LRRTM3: variants seen among roughly 807,000 people sequenced by gnomAD.
LRRTM3 encodes the protein leucine rich repeat transmembrane neuronal 3.
LRRTM3 carries 24 observed loss-of-function variants against 44.7 expected under a neutral mutation model. The ratio of observed to expected loss-of-function variants is 0.54; its 90% CI spans 0.39 to 0.76. The LOEUF (loss-of-function observed/expected upper bound fraction) is 0.76, where lower values mean the gene tolerates loss of function less well. LRRTM3 is among the 30% of genes least tolerant of loss of function. The pLI is 0.00. For missense variants in LRRTM3, 587 were observed against 702.2 expected (o/e 0.84, Z 1.85); for synonymous variants, 277 against 278.7 (o/e 0.99, Z 0.06).
At chr10:67,050,114 C>T (rs924039920) in intron 2 of LRRTM3, among the ~76,000 whole-genome samples, 2 of 152,176 alleles carry the variant, frequency 1.3e-5, no homozygotes, top group Non-Finnish European at 2.9e-5. Context: ...CTCTGATTTC[C>T]ATTGCCCGGA....
At chr10:67,088,321 C>T (rs1022228971) in intron 2 of LRRTM3, among the ~76,000 whole-genome samples, 1 of 151,788 alleles carries the variant, frequency 6.6e-6, no homozygotes, top group Non-Finnish European at 1.5e-5. Context: ...ATGAATATTT[C>T]TCTTTGGTTT....
chr10:67,007,085 C>T (rs994584128), intron 2 of LRRTM3, among the ~76,000 whole-genome samples: 1 of 152,150 alleles, frequency 6.6e-6, no homozygotes, highest in African/African-American at 2.4e-5. Context: ...CGTGAGCCAC[C>T]ACACCCAGCT....
intron 2 of LRRTM3, among the ~76,000 whole-genome samples, chr10:66,983,146 A>C (rs1411346822): frequency 6.6e-6 from 1 of 152,142 alleles, no homozygotes; most frequent in Admixed American, 6.5e-5. Context: ...CTAATGAGCA[A>C]ATTTTTTTAT....
rs769961662 is a variant in LRRTM3 at position 66,981,402 on chromosome 10, T to A, written c.1536+52950T>A. 2.6e-5 allele frequency among the ~76,000 whole-genome samples: 4 copies of A among 152,244 alleles called. No homozygotes were observed. The South Asian group carries it at 8.3e-4, about 32-fold the overall frequency. The stretch of plus-strand genomic sequence containing the variant: ...AGTCACCCTGCATTCTGCACTCTTC[T>A]GGATTTTGAGTCCCTTTGAATTGCC... On this transcript the variant is annotated intron_variant, in intron 2 of 2. Coordinates refer to ENST00000361320, the MANE Select transcript of LRRTM3 (RefSeq NM_178011.5).
rs1431289391 is a variant in LRRTM3 at position 67,017,749 on chromosome 10, G to T, written c.1537-79838G>T. On this transcript the variant is annotated intron_variant, in intron 2 of 2. Transcript: ENST00000361320. ...TCTGTGTGTGTGTGTGTGTGTGTGTGTGTGCGCGCGTACAATTTTATGTGT... is the reference window on the plus strand; with the variant it reads ...TCTGTGTGTGTGTGTGTGTGTGTGTTTGTGCGCGCGTACAATTTTATGTGT... Among the ~76,000 whole-genome samples, 3 of 151,806 alleles carry T rather than the reference G, an allele frequency of 2.0e-5. No individual in the cohort carries two copies. The East Asian group carries it at 5.8e-4, about 29-fold the overall frequency.
intron 2 of LRRTM3, among the ~76,000 whole-genome samples, chr10:67,088,065 G>C (rs1363658795): frequency 1.3e-5 from 2 of 151,876 alleles, no homozygotes; most frequent in Admixed American, 6.6e-5. Context: ...ATAATTTAAA[G>C]AGAAAGAAAG....
At chr10:66,999,154 C>T (rs1347330373) in intron 2 of LRRTM3, among the ~76,000 whole-genome samples, 2 of 152,048 alleles carry the variant, frequency 1.3e-5, no homozygotes, top group African/African-American at 4.8e-5. Flanking sequence ...TTTTATTTAT[C>T]ATTTTCAATT....
chr10:67,083,763 C>A (rs976009976), intron 2 of LRRTM3, among the ~76,000 whole-genome samples: 1 of 152,068 alleles, frequency 6.6e-6, no homozygotes, highest in Non-Finnish European at 1.5e-5. Context: ...CCAAGGCATT[C>A]AAAATACATT....
At chr10:66,937,630 T>G (rs542452712) in intron 2 of LRRTM3, among the ~76,000 whole-genome samples, 3 of 152,104 alleles carry the variant, frequency 2.0e-5, no homozygotes, top group African/African-American at 7.2e-5. Context: ...TGGTAGTACA[T>G]AAAACCAATG....
intron 2 of LRRTM3, among the ~76,000 whole-genome samples, chr10:67,066,432 C>T (rs912212084): frequency 6.6e-6 from 1 of 151,770 alleles, no homozygotes; most frequent in Admixed American, 6.6e-5. Context: ...ACCTCGTGAT[C>T]CGCCTGCCTT....
chr10:67,080,137 A>T (rs1589709648), intron 2 of LRRTM3, among the ~76,000 whole-genome samples: 1 of 152,122 alleles, frequency 6.6e-6, no homozygotes, highest in East Asian at 1.9e-4. Flanking sequence ...AAGTGCTTGT[A>T]TTTCGTTAAA....
At chr10:66,928,630 C>T (rs1847207204) in intron 2 of LRRTM3, among the ~76,000 whole-genome samples, 178 bp downstream of exon 2, 1 of 152,086 alleles carries the variant, frequency 6.6e-6, no homozygotes. Flanking sequence ...GGTCATTTTC[C>T]TCTCATACAT....
At chr10:67,068,219 C>T (rs966046985) in intron 2 of LRRTM3, among the ~76,000 whole-genome samples, 1 of 151,954 alleles carries the variant, frequency 6.6e-6, no homozygotes, top group African/African-American at 2.4e-5. Context: ...TGGATTGGAC[C>T]TGGGAAGTGA....
At chr10:67,070,782 T>C (rs1008316001) in intron 2 of LRRTM3, among the ~76,000 whole-genome samples, 3 of 152,006 alleles carry the variant, frequency 2.0e-5, no homozygotes, top group Non-Finnish European at 4.4e-5. Flanking sequence ...AAGAAATCCT[T>C]GCCTACTCCA....
chr10:66,960,814 G>C (rs1007179222), intron 2 of LRRTM3, among the ~76,000 whole-genome samples: 2 of 152,096 alleles, frequency 1.3e-5, no homozygotes, highest in South Asian at 2.1e-4. Context: ...CTTAGAAAAG[G>C]GGGGATGGTA....
chr10:66,971,225 A>G (rs1849703062), intron 2 of LRRTM3, among the ~76,000 whole-genome samples: 1 of 152,112 alleles, frequency 6.6e-6, no homozygotes, highest in Admixed American at 6.6e-5. Flanking sequence ...CAGGAGTTCA[A>G]GACCAGCCTG....
intron 2 of LRRTM3, among the ~76,000 whole-genome samples, chr10:67,083,054 G>T (rs1857130057): frequency 6.6e-6 from 1 of 152,126 alleles, no homozygotes; most frequent in African/African-American, 2.4e-5. Flanking sequence ...TCACCTAAGG[G>T]TCAGGAGAGG....
rs542304623 is a variant in LRRTM3 at position 67,082,747 on chromosome 10, A to C, written c.1537-14840A>C. On this transcript the variant is annotated intron_variant, in intron 2 of 2. Transcript: ENST00000361320. ...ATAAAGTACTTCTACATCAGCATAG[A>C]GAAGAGGATTTCTGAATATGAGTGT... Among the ~76,000 whole-genome samples the C allele has an allele frequency of 2.0e-5, 3 of 152,256 alleles. No homozygotes were observed. In the South Asian group the frequency reaches 6.2e-4, roughly 32 times the overall value.
chr10:67,081,497 A>T (rs964775656), intron 2 of LRRTM3, among the ~76,000 whole-genome samples: 7 of 152,214 alleles, frequency 4.6e-5, no homozygotes, highest in Non-Finnish European at 8.8e-5. Context: ...CAGAGAGGTT[A>T]ATTAACTTGC....
Sources: allele counts gnomAD v4.1 joint callset (sites outside exome capture counted in the v4.1 genomes callset), GRCh38; gene constraint gnomAD v4.1.1; transcripts MANE v1.5; gene names NCBI Gene and HGNC (gene_info 2026-07-23, HGNC 2026-07-21).